Variants in MYO3B observed in about 807,000 individuals in gnomAD.
The protein encoded by MYO3B is myosin-IIIb.
Under a neutral mutation model 174.6 loss-of-function variants are expected in MYO3B, and 156 were observed. The observed-to-expected ratio is 0.89, with a 90% CI of 0.78 to 1.02. The LOEUF (loss-of-function observed/expected upper bound fraction) is 1.02. Ranked by LOEUF, MYO3B falls within the 50% of genes least tolerant of loss-of-function variation. MYO3B has a pLI of 0.00. For missense variants in MYO3B, 1,632 were observed against 1,639.4 expected (o/e 1.00, Z 0.08); for synonymous variants, 563 against 569.1 (o/e 0.99, Z 0.15).
At chr2:170,214,332 C>A in intron 3 of MYO3B, 47 bp from the exon 4 acceptor site, 1 of 1,468,406 alleles carries the variant, frequency 6.8e-7, no homozygotes, top group Non-Finnish European at 9.4e-7. Flanking sequence ...TTTTCTTTTT[C>A]ACATGTGGTC....
chr2:170,502,937 T>C (rs1313799558), intron 28 of MYO3B, among the ~76,000 whole-genome samples: 1 of 152,122 alleles, frequency 6.6e-6, no homozygotes, highest in African/African-American at 2.4e-5. Flanking sequence ...AAGAGTGCTA[T>C]TAAAATGCAA....
intron 32 of MYO3B, among the ~76,000 whole-genome samples, chr2:170,573,618 AAT>A (rs1347478072): frequency 6.6e-6 from 1 of 152,274 alleles, no homozygotes; most frequent in East Asian, 1.9e-4. Context: ...TTCTCCTAAA[AAT>A]ATTTTGTACC....
At chr2:170,581,454 T>C (rs1693144937) in intron 32 of MYO3B, among the ~76,000 whole-genome samples, 1 of 152,206 alleles carries the variant, frequency 6.6e-6, no homozygotes, top group South Asian at 2.1e-4. Context: ...GCATTCTTTA[T>C]TGAACAGATG....
chr2:170,441,873 T>C (rs1439733464), intron 22 of MYO3B, among the ~76,000 whole-genome samples: 1 of 152,174 alleles, frequency 6.6e-6, no homozygotes, highest in African/African-American at 2.4e-5. Flanking sequence ...CTGCAACCTG[T>C]TTTATCAGCA....
rs572661016 is a variant in MYO3B, at chr2:170,478,179, G to A, written c.3014+11468G>A. On this transcript the variant is annotated intron_variant, in intron 25 of 34. Coordinates refer to ENST00000408978, the MANE Select transcript of MYO3B (RefSeq NM_138995.5). ...TGACCATTCCTAGCTTCAGGGAGAG[G>A]CTTAGAAAGTGGAGAACAGGACTGG... 3.7e-4 allele frequency among the ~76,000 whole-genome samples: 57 copies of A among 152,208 alleles called. 1 individual carries two copies. In the Middle Eastern group the frequency reaches 0.01, roughly 27 times the overall value.
chr2:170,503,523 C>A (rs1012951074), intron 28 of MYO3B, among the ~76,000 whole-genome samples: 7 of 138,688 alleles, frequency 5.0e-5, no homozygotes, highest in East Asian at 2.1e-4. Flanking sequence ...CATTAAGGTG[C>A]CTTCCTTTTT....
At chr2:170,638,591 C>CT (rs1434261612) in intron 32 of MYO3B, among the ~76,000 whole-genome samples, 1 of 152,166 alleles carries the variant, frequency 6.6e-6, no homozygotes, top group Non-Finnish European at 1.5e-5. Flanking sequence ...TTGGAAGGGA[C>CT]TTTAAAGGGC....
rs2105426227 is a variant in MYO3B at position 170,294,265 on chromosome 2, A to G, written c.750-41120A>G. On this transcript the variant is annotated intron_variant, in intron 7 of 34. Coordinates refer to ENST00000408978, the MANE Select transcript of MYO3B (RefSeq NM_138995.5). ...CTTATCTTGCTGTTTCTCTACCACC[A>G]ATCTTGAGTTGCAGACAGCCCAATT... Among the ~76,000 whole-genome samples the G allele has an allele frequency of 2.6e-5, 4 of 151,780 alleles. No homozygotes were observed. In the Middle Eastern group the frequency reaches 0.014, roughly 520 times the overall value.
intron 3 of MYO3B, 33 bp downstream of exon 3, chr2:170,200,317 G>C: frequency 6.2e-7 from 1 of 1,600,250 alleles, no homozygotes; most frequent in East Asian, 2.3e-5. Flanking sequence ...CCAGTGATTT[G>C]AACAGAGTGC....
intron 7 of MYO3B, among the ~76,000 whole-genome samples, chr2:170,249,449 T>C (rs2093228102): frequency 6.6e-6 from 1 of 152,190 alleles, no homozygotes; most frequent in Admixed American, 6.5e-5. Context: ...ATATCAACAT[T>C]TGCTTGAGGG....
intron 6 of MYO3B, among the ~76,000 whole-genome samples, chr2:170,234,088 G>A (rs1418356603): frequency 6.9e-6 from 1 of 144,852 alleles, no homozygotes; most frequent in African/African-American, 2.5e-5. Context: ...GGAGAATGGC[G>A]TGAACCCAGG....
chr2:170,522,812 CA>C (rs1404250235), intron 30 of MYO3B, among the ~76,000 whole-genome samples: 2 of 152,232 alleles, frequency 1.3e-5, no homozygotes, highest in African/African-American at 4.8e-5. Flanking sequence ...CCCTTTCCTC[CA>C]TGAAGACCTA....
intron 1 of MYO3B, among the ~76,000 whole-genome samples, chr2:170,190,439 C>T (rs1389016811): frequency 1.3e-5 from 2 of 152,150 alleles, no homozygotes; most frequent in African/African-American, 4.8e-5. Flanking sequence ...CCCTGTAGGG[C>T]AGCAAGATCC....
chr2:170,514,444 A>G (rs575819762), intron 28 of MYO3B, among the ~76,000 whole-genome samples: 1 of 152,342 alleles, frequency 6.6e-6, no homozygotes, highest in South Asian at 2.1e-4. Flanking sequence ...AGGGAGGGGC[A>G]CTTCCAAGAG....
chr2:170,597,292 G>A (rs1694213767), intron 32 of MYO3B, among the ~76,000 whole-genome samples: 1 of 150,598 alleles, frequency 6.6e-6, no homozygotes, highest in African/African-American at 2.4e-5. Context: ...AATCGCTTGA[G>A]CCCAGGAGGC....
chr2:170,431,948 C>A (rs1553490477), intron 22 of MYO3B, among the ~76,000 whole-genome samples: 1 of 152,198 alleles, frequency 6.6e-6, no homozygotes, highest in Non-Finnish European at 1.5e-5. Flanking sequence ...TAGTGATGTC[C>A]TAGCCTTTGC....
intron 3 of MYO3B, among the ~76,000 whole-genome samples, chr2:170,209,549 C>T (rs1488816186): frequency 6.6e-6 from 1 of 152,072 alleles, no homozygotes; most frequent in Non-Finnish European, 1.5e-5. Context: ...TATCAGAAAC[C>T]TGTATTTGAG....
chr2:170,643,167 A>G (rs1279974827), intron 32 of MYO3B, among the ~76,000 whole-genome samples: 1 of 152,206 alleles, frequency 6.6e-6, no homozygotes, highest in East Asian at 1.9e-4. Context: ...CTTTGCCTCT[A>G]ACTGTATAAT....
intron 23 of MYO3B, among the ~76,000 whole-genome samples, chr2:170,462,641 G>C (rs1054990346): frequency 2.0e-5 from 3 of 152,262 alleles, no homozygotes; most frequent in African/African-American, 4.8e-5. Flanking sequence ...AGAGCAGATG[G>C]GAAGCTGCCA....
Sources: gnomAD v4.1 joint callset for allele counts (sites outside exome capture counted in the v4.1 genomes callset) on GRCh38, gnomAD v4.1.1 for gene constraint, MANE v1.5 for transcripts, NCBI Gene and HGNC (gene_info 2026-07-23, HGNC 2026-07-21) for gene names.